The following TMEM165 variants were observed in gnomAD, a reference collection of about 807,000 sequenced individuals.
TMEM165 encodes the protein putative divalent cation/proton antiporter TMEM165.
In TMEM165, 19 loss-of-function variants were observed where a neutral mutation model predicts 30.0. That is an observed-to-expected ratio of 0.63 (90% CI 0.44 to 0.93). TMEM165 has a LOEUF of 0.93. TMEM165 is among the 40% of genes least tolerant of loss of function. The pLI is 0.00. For synonymous variants in TMEM165, 168 were observed against 162.9 expected (o/e 1.03, Z -0.24); for missense variants, 340 against 417.0 (o/e 0.82, Z 1.61).
At chr4:55,398,565 C>T (rs775103622) in intron 1 of TMEM165, among the ~76,000 whole-genome samples, 1 of 152,304 alleles carries the variant, frequency 6.6e-6, no homozygotes, top group South Asian at 2.1e-4. Context: ...GTTCTTTGAT[C>T]TTGAGCCTAG....
At chr4:55,432,566 T>C (rs1333873732) in intron 3 of TMEM165, 4 of 139,034 alleles carry the variant, frequency 2.9e-5, no homozygotes, top group Non-Finnish European at 6.1e-5. Context: ...GCTTTGGCTA[T>C]AGAAATGAAG....
intron 3 of TMEM165, among the ~76,000 whole-genome samples, chr4:55,437,274 C>T (rs911351651): frequency 1.1e-4 from 17 of 152,082 alleles, no homozygotes; most frequent in Non-Finnish European, 1.8e-4. Context: ...ATAATCACAT[C>T]ACATGTTATA....
chr4:55,430,842 T>G (rs904824077), downstream of TMEM165: 2 of 152,182 alleles, frequency 1.3e-5, no homozygotes, highest in Non-Finnish European at 2.9e-5. Context: ...GTCCACACAA[T>G]AGGCAAGATA....
chr4:55,430,011 T>C (rs573361391), downstream of TMEM165: 7 of 152,260 alleles, frequency 4.6e-5, no homozygotes, highest in Non-Finnish European at 1.0e-4. Flanking sequence ...AAACCACACA[T>C]TAAATACATG....
intron 1 of TMEM165, among the ~76,000 whole-genome samples, chr4:55,399,895 T>TAA (rs1720880201): frequency 6.6e-6 from 1 of 151,874 alleles, no homozygotes; most frequent in African/African-American, 2.4e-5. Context: ...TAATATAATA[T>TAA]GATTTTTCCG....
At chr4:55,438,194 C>T (rs967786701) in intron 3 of TMEM165, 6 of 1,464,960 alleles carry the variant, frequency 4.1e-6, no homozygotes, top group Non-Finnish European at 5.7e-6. Context: ...GAATTTTTCA[C>T]ATCACTCACA....
chr4:55,427,316 G>A (rs1055972160), downstream of TMEM165, among the ~76,000 whole-genome samples: 4 of 151,464 alleles, frequency 2.6e-5, no homozygotes, highest in South Asian at 2.1e-4. Context: ...GATTACAGGC[G>A]TGAGCCACCA....
intron 4 of TMEM165, among the ~76,000 whole-genome samples, chr4:55,421,444 T>G (rs1721972104): frequency 6.6e-6 from 1 of 151,528 alleles, no homozygotes; most frequent in Non-Finnish European, 1.5e-5. Flanking sequence ...GACTACAGGT[T>G]CCCACCACCA....
chr4:55,450,449 T>C (rs1414327095), intron 3 of TMEM165, among the ~76,000 whole-genome samples: 7 of 152,156 alleles, frequency 4.6e-5, no homozygotes, highest in Non-Finnish European at 8.8e-5. Flanking sequence ...AAGAATGAAG[T>C]TGGAATCTCT....
intron 4 of TMEM165, among the ~76,000 whole-genome samples, chr4:55,419,150 G>A (rs1250681921): frequency 2.0e-5 from 3 of 152,168 alleles, no homozygotes; most frequent in Non-Finnish European, 4.4e-5. Context: ...GCTATTATGG[G>A]TAATTTATTT....
chr4:55,441,478 CCT>C (rs1216533595), intron 3 of TMEM165, among the ~76,000 whole-genome samples: 1 of 152,110 alleles, frequency 6.6e-6, no homozygotes, highest in Non-Finnish European at 1.5e-5. Context: ...ATGGAATCAA[CCT>C]AAGTGCCCAT....
intron 3 of TMEM165, among the ~76,000 whole-genome samples, chr4:55,444,412 T>C (rs1307057755): frequency 3.3e-5 from 5 of 152,196 alleles, no homozygotes; most frequent in African/African-American, 1.2e-4. Context: ...TAAAAAAAGA[T>C]GACTGGAGAA....
chr4:55,417,312 G>A, intron 3 of TMEM165, 65 bp downstream of exon 3: 1 of 1,498,034 alleles, frequency 6.7e-7, no homozygotes, highest in African/African-American at 1.4e-5. Flanking sequence ...ACTCTACAGA[G>A]GTTTCTCAGT....
intron 4 of TMEM165, among the ~76,000 whole-genome samples, chr4:55,419,818 C>G (rs1721889647): frequency 6.6e-6 from 1 of 151,506 alleles, no homozygotes; most frequent in Non-Finnish European, 1.5e-5. Flanking sequence ...AAGGCCAGGA[C>G]TAAGATAGAT....
rs887364565 is a variant in TMEM165, at chr4:55,414,596, C to T, written c.434-2476C>T. 3.3e-5 allele frequency among the ~76,000 whole-genome samples: 5 copies of T among 152,104 alleles called. No individual in the cohort carries two copies. In the South Asian group the frequency reaches 1.0e-3, roughly 32 times the overall value. ...ACTAGGTATTGGTCCTAATGCTCTC[C>T]CTCCCCTTGCCCCTGACCCCTCAAT... On this transcript the variant is annotated intron_variant, in intron 2 of 5. Transcript: ENST00000381334.
chr4:55,396,282 C>T lies in TMEM165; in HGVS notation c.93C>T (p.Val31=), dbSNP rs958107771. 1.2e-5 allele frequency: 18 copies of T among 1,524,266 alleles called. No individual in the cohort carries two copies. The highest frequency in any genetic ancestry group is 1.5e-5 in the Non-Finnish European group (17 of 1,141,870). 94.4% of individuals were successfully genotyped at this position (1,524,266 alleles called of 1,614,324 possible). A position where few individuals can be genotyped will look rare whatever the true frequency, so the allele number is the denominator to read the frequency against. ...CGCTGCTGTGGGCCCCGGCTGCGGT[C>T]CGGGCCGGCCCAGATGAAGACCTTA... ...LVPLLWAPAA[V]RAGPDEDLSH... Residue 31 remains valine (V), a synonymous_variant, in exon 1 of 6, where the codon GTC becomes GTT. Coordinates refer to ENST00000381334, the MANE Select transcript of TMEM165 (RefSeq NM_018475.5).
chr4:55,453,039 T>G (rs777039092), exon 4 of TMEM165: 1 of 1,572,574 alleles, frequency 6.4e-7, no homozygotes, highest in Non-Finnish European at 8.7e-7. Context: ...TTTTTTTTAA[T>G]TATAAGAAAC....
chr4:55,427,735 A>G (rs771233754), downstream of TMEM165, among the ~76,000 whole-genome samples: 20 of 152,212 alleles, frequency 1.3e-4, no homozygotes, highest in Non-Finnish European at 2.6e-4. Flanking sequence ...GCTTGGTCCC[A>G]TTACTAGCTT....
At chr4:55,405,315 A>C (rs2109531383) in intron 1 of TMEM165, among the ~76,000 whole-genome samples, 1 of 152,332 alleles carries the variant, frequency 6.6e-6, no homozygotes, top group Admixed American at 6.5e-5. Context: ...GAGAAAAGAA[A>C]GTTGGTTTTC....
Sources: allele counts gnomAD v4.1 joint callset (sites outside exome capture counted in the v4.1 genomes callset), GRCh38; gene constraint gnomAD v4.1.1; transcripts MANE v1.5; gene names NCBI Gene and HGNC (gene_info 2026-07-23, HGNC 2026-07-21).